Variants in SLC35E3 observed in about 807,000 individuals in gnomAD.
SLC35E3 encodes the protein bladder cancer-overexpressed gene 1 protein.
In SLC35E3, 28 loss-of-function variants were observed where a neutral mutation model predicts 30.8. The observed-to-expected ratio is 0.91, with a 90% confidence interval of 0.67 to 1.25. The LOEUF (loss-of-function observed/expected upper bound fraction) is 1.25, where lower values mean the gene tolerates loss of function less well. Among genes scored for constraint, SLC35E3 ranks in the 50% most tolerant of loss-of-function variants. SLC35E3 has a pLI of 0.00. For synonymous variants in SLC35E3, 146 were observed against 149.2 expected, an observed-to-expected ratio of 0.98 and a Z score of 0.16; for missense variants, 365 against 375.4, an observed-to-expected ratio of 0.97 and a Z score of 0.23.
In SLC35E3 at chr12:68,756,113, C is replaced by T. The variant is rs74103035; in HGVS notation, c.673-3044C>T. 4.0e-3 allele frequency among the ~76,000 whole-genome samples: 601 copies of T among 152,070 alleles called. 15 individuals are homozygous for T. The East Asian group carries it at 0.055, about 14-fold the overall frequency. On this transcript the variant is annotated intron_variant, in intron 3 of 4. Coordinates refer to ENST00000398004, the MANE Select transcript of SLC35E3 (RefSeq NM_018656.5). ...AAATTTATATATTTTACCATATACACTTTTTTTCTAAAGTAGAGGTCATTG... is the reference window on the plus strand; with the variant it reads ...AAATTTATATATTTTACCATATACATTTTTTTTCTAAAGTAGAGGTCATTG...
chr12:68,763,664 G>C (rs2136078766), intron 4 of SLC35E3, among the ~76,000 whole-genome samples: 2 of 152,194 alleles, frequency 1.3e-5, no homozygotes, highest in South Asian at 4.1e-4. Context: ...GCTGGGATTA[G>C]GATTAGAGGC....
chr12:68,762,586 C>T (rs1879263658), intron 4 of SLC35E3, among the ~76,000 whole-genome samples: 1 of 152,174 alleles, frequency 6.6e-6, no homozygotes, highest in South Asian at 2.1e-4. Context: ...GGAAATACCA[C>T]ATGTAGACTG....
In SLC35E3 at chr12:68,746,665, GAAC is replaced by G. The variant is rs1487214186; in HGVS notation, c.293_295del (p.Asn98del). ...TGGTCTTCACTAACCTTTCTCTGCA[GAAC>G]AACACCATAGGCACCTATCAGCTGG... On this transcript the variant is annotated inframe_deletion, in exon 1 of 5. Transcript: ENST00000398004. 1.9e-6 allele frequency: 3 copies of G among 1,614,098 alleles called. No individual in the cohort carries two copies. The African/African-American group carries it at 4.0e-5, about 22-fold the overall frequency.
chr12:68,755,262 G>A (rs1446306670), intron 3 of SLC35E3, among the ~76,000 whole-genome samples: 1 of 152,104 alleles, frequency 6.6e-6, no homozygotes, highest in Non-Finnish European at 1.5e-5. Context: ...ATTTTGGGGG[G>A]ACACAAACAT....
intron 4 of SLC35E3, among the ~76,000 whole-genome samples, chr12:68,762,904 G>C (rs1271229577): frequency 6.6e-6 from 1 of 152,206 alleles, no homozygotes; most frequent in East Asian, 1.9e-4. Flanking sequence ...GGCTGCTTAG[G>C]TGGGCTTGGA....
intron 4 of SLC35E3, among the ~76,000 whole-genome samples, chr12:68,761,645 T>A (rs957590732): frequency 7.9e-5 from 12 of 152,152 alleles, no homozygotes; most frequent in African/African-American, 2.9e-4. Flanking sequence ...GAATCACCCA[T>A]GGTTGAGAAC....
intron 4 of SLC35E3, among the ~76,000 whole-genome samples, chr12:68,764,310 A>G (rs1879313951): frequency 6.6e-6 from 1 of 152,046 alleles, no homozygotes; most frequent in Non-Finnish European, 1.5e-5. Flanking sequence ...CTCTTTTTTT[A>G]GACAGTCTTG....
intron 3 of SLC35E3, among the ~76,000 whole-genome samples, chr12:68,756,301 T>TAAAA (rs34141831): frequency 7.0e-4 from 82 of 117,122 alleles, no homozygotes; most frequent in African/African-American, 2.4e-3. Context: ...GAAAAGCCAT[T>TAAAA]AAAAAAAAAA....
chr12:68,752,528 C>T (rs897971310), intron 3 of SLC35E3, among the ~76,000 whole-genome samples: 4 of 152,150 alleles, frequency 2.6e-5, no homozygotes, highest in South Asian at 2.1e-4. Flanking sequence ...ACAATGAAAA[C>T]ATAGCTTTAT....
Position 68,746,227 on chromosome 12 carries a change from T to C in SLC35E3, c.-151T>C. The C allele has an allele frequency of 1.5e-6, 1 of 676,940 alleles. No individual in the cohort carries two copies. Among genetic ancestry groups the C allele is most frequent in the Non-Finnish European group, 2.4e-6 (1 of 411,820 alleles). 41.9% of individuals were successfully genotyped at this position (676,940 alleles called of 1,614,324 possible). The stretch of plus-strand genomic sequence containing the variant: ...CGGGGTGTGTGTCCTCTGTTAAGAG[T>C]GCTACTCGCCCGGGGTTGATCTGTG... On this transcript the variant is annotated 5_prime_UTR_variant, in exon 1 of 5. Coordinates refer to ENST00000398004, the MANE Select transcript of SLC35E3 (RefSeq NM_018656.5).
chr12:68,759,877 G>A (rs1053998207), intron 4 of SLC35E3, among the ~76,000 whole-genome samples: 1 of 152,186 alleles, frequency 6.6e-6, no homozygotes, highest in African/African-American at 2.4e-5. Context: ...GTGAGGTGGA[G>A]GTTTGGATTT....
intron 2 of SLC35E3, among the ~76,000 whole-genome samples, chr12:68,749,901 G>A (rs1405586152): frequency 2.0e-5 from 3 of 152,118 alleles, no homozygotes; most frequent in East Asian, 1.9e-4. Context: ...TATTGAGCAC[G>A]CACCAGGAGA....
chr12:68,748,719 G>A, intron 2 of SLC35E3, among the ~76,000 whole-genome samples: 1 of 152,146 alleles, frequency 6.6e-6, no homozygotes, highest in East Asian at 1.9e-4. Flanking sequence ...ATAACTTGCT[G>A]TAGGGGACAG....
chr12:68,757,031 A>G lies in SLC35E3; in HGVS notation c.673-2126A>G, dbSNP rs370695795. Among the ~76,000 whole-genome samples, 8 of 152,302 alleles carry G rather than the reference A, an allele frequency of 5.3e-5. No homozygotes were observed. In the East Asian group the frequency reaches 9.7e-4, roughly 18 times the overall value. On this transcript the variant is annotated intron_variant, in intron 3 of 4. Coordinates refer to ENST00000398004, the MANE Select transcript of SLC35E3 (RefSeq NM_018656.5). ...CTCCAAATAAATAAATAAATAAATA[A>G]TGGCATGATCATCTCAATAGATGCA...
In SLC35E3 at chr12:68,780,524, G is replaced by A. The variant is rs762254473; in HGVS notation, c.*15634G>A. On this transcript the variant is annotated 3_prime_UTR_variant, in exon 5 of 5. Coordinates refer to ENST00000398004, the MANE Select transcript of SLC35E3 (RefSeq NM_018656.5). ...TTTTTGGAGACAGAGTTTCACTCTT[G>A]TTGCCCAGGCTGGAGTGCAATGGCA... The A allele has an allele frequency of 1.8e-5, 2 of 109,586 alleles. No individual in the cohort carries two copies. Among genetic ancestry groups the A allele is most frequent in the Non-Finnish European group, 3.5e-5 (2 of 56,676 alleles). The allele number at this position is 109,586 out of a possible 1,614,324, so 6.8% of individuals were successfully genotyped here.
chr12:68,756,232 C>T (rs1878995660), intron 3 of SLC35E3, among the ~76,000 whole-genome samples: 1 of 141,434 alleles, frequency 7.1e-6, no homozygotes, highest in Non-Finnish European at 1.5e-5. Flanking sequence ...CCTTATACTA[C>T]AAGGAGAGAG....
chr12:68,778,781 C>G lies in SLC35E3; in HGVS notation c.*13891C>G, dbSNP rs533412010. On this transcript the variant is annotated 3_prime_UTR_variant, in exon 5 of 5. Transcript: ENST00000398004. ...CTCCAGCCTGGACAAAAGAGCAAAA[C>G]TCCATCTCCAAAAAAAAAAAAGAAA... 1 of 149,436 alleles carries G rather than the reference C, an allele frequency of 6.7e-6. No individual in the cohort carries two copies. The highest frequency in any genetic ancestry group is 2.0e-4 in the East Asian group (1 of 4,988). The allele number at this position is 149,436 out of a possible 1,614,324, so 9.3% of individuals were successfully genotyped here. A position where few individuals can be genotyped will look rare whatever the true frequency, so the allele number is the denominator to read the frequency against.
At position 68,746,206 on chromosome 12, in the gene SLC35E3, G is replaced by T. The variant is rs1324888192; in HGVS notation, c.-172G>T. ...AGCTGGCTTACAGGGCGGCGGCGGG[G>T]TGTGTGTCCTCTGTTAAGAGTGCTA... On this transcript the variant is annotated 5_prime_UTR_variant, in exon 1 of 5. Transcript: ENST00000398004. 2 of 548,342 alleles carry T rather than the reference G, an allele frequency of 3.6e-6. No individual in the cohort carries two copies. The highest frequency in any genetic ancestry group is 6.2e-6 in the Non-Finnish European group (2 of 321,474). The allele number at this position is 548,342 out of a possible 1,614,324, so 34.0% of individuals were successfully genotyped here. A position where few individuals can be genotyped will look rare whatever the true frequency, so the allele number is the denominator to read the frequency against.
intron 2 of SLC35E3, among the ~76,000 whole-genome samples, chr12:68,750,051 A>G (rs1878733397): frequency 6.6e-6 from 1 of 152,128 alleles, no homozygotes; most frequent in South Asian, 2.1e-4. Context: ...GACAGGCAGG[A>G]AGGGCCTGGG....
Sources: allele counts gnomAD v4.1 joint callset (sites outside exome capture counted in the v4.1 genomes callset), GRCh38; gene constraint gnomAD v4.1.1; transcripts MANE v1.5; gene names NCBI Gene and HGNC (gene_info 2026-07-23, HGNC 2026-07-21).